Variants in P2RX6 observed in about 807,000 individuals in gnomAD.
P2RX6 encodes purinergic receptor P2X 6.
A neutral mutation model predicts 54.2 loss-of-function variants in P2RX6; 62 were observed. That is an observed-to-expected ratio of 1.14 (90% CI 0.93 to 1.41). The LOEUF (loss-of-function observed/expected upper bound fraction) is 1.41, where lower values mean the gene tolerates loss of function less well. Ranked by LOEUF, P2RX6 falls within the 40% of genes most tolerant of loss-of-function variation. The probability of loss-of-function intolerance (pLI) is 0.00; values close to 1 mark genes in which losing one functional copy is unlikely to be tolerated. For missense variants in P2RX6, 541 were observed against 566.3 expected, an observed-to-expected ratio of 0.96 and a Z score of 0.45; for synonymous variants, 211 against 231.9, an observed-to-expected ratio of 0.91 and a Z score of 0.82.
At chr22:21,015,846 T>G (rs1387619013) in intron 1 of P2RX6, 96 bp from the exon 2 acceptor site, 1 of 1,303,404 alleles carries the variant, frequency 7.7e-7, no homozygotes, top group African/African-American at 1.5e-5. Context: ...CGGGAGCCTG[T>G]AGGGTGTGGG....
chr22:21,012,537 G>A, upstream of P2RX6: 2 of 613,610 alleles, frequency 3.3e-6, no homozygotes, highest in African/African-American at 1.9e-5. Flanking sequence ...CGCAGATGCT[G>A]CTGCTTTTGC....
chr22:21,010,774 CCT>C (rs1195105559), upstream of P2RX6, among the ~76,000 whole-genome samples: 2 of 152,042 alleles, frequency 1.3e-5, no homozygotes, highest in African/African-American at 4.8e-5. Flanking sequence ...AAATCTATAC[CCT>C]TTTTGCCACG....
Position 21,026,795 on chromosome 22 carries a change from C to T in P2RX6, c.*178C>T, listed in dbSNP as rs1490090572. 1.2e-5 allele frequency: 16 copies of T among 1,338,162 alleles called. No individual in the cohort carries two copies. Among genetic ancestry groups the T allele is most frequent in the African/African-American group, 5.9e-5 (4 of 67,746 alleles). 82.9% of individuals were successfully genotyped at this position (1,338,162 alleles called of 1,614,324 possible). ...TGCTGCCTCAGGGAGCCATAGAAGTCGGCTGTGTTTTGAGACGGCGACAGA... is the reference window on the plus strand; with the variant it reads ...TGCTGCCTCAGGGAGCCATAGAAGTTGGCTGTGTTTTGAGACGGCGACAGA... On this transcript the variant is annotated 3_prime_UTR_variant, in exon 12 of 12. Coordinates refer to ENST00000413302, the MANE Select transcript of P2RX6 (RefSeq NM_005446.5). This position sits in a 1 kb window ranked among gnomAD's most constrained non-coding sequence, Gnocchi z 4.0.
intron 8 of P2RX6, among the ~76,000 whole-genome samples, chr22:21,024,724 C>T (rs1438115396): frequency 6.6e-6 from 1 of 151,928 alleles, no homozygotes; most frequent in East Asian, 1.9e-4. Context: ...GTGTGCACCA[C>T]CACACCCAAC....
At chr22:21,019,196 G>C (rs1205081749) in intron 3 of P2RX6, among the ~76,000 whole-genome samples, 21 of 152,218 alleles carry the variant, frequency 1.4e-4, no homozygotes, top group Non-Finnish European at 1.5e-5. Flanking sequence ...TGCCTCCTGG[G>C]CTGGAGGGTC....
chr22:21,022,793 G>T, intron 4 of P2RX6, 42 bp downstream of exon 4: 1 of 1,513,164 alleles, frequency 6.6e-7, no homozygotes, highest in Non-Finnish European at 8.9e-7. Context: ...AGCAGGGTGG[G>T]GGCCGGGCTG....
chr22:21,026,835 G>C lies in P2RX6; in HGVS notation c.*218G>C. The C allele has an allele frequency of 1.1e-6, 1 of 952,194 alleles. No homozygotes were observed. Among genetic ancestry groups the C allele is most frequent in the East Asian group, 2.7e-5 (1 of 37,252 alleles). 59.0% of individuals were successfully genotyped at this position (952,194 alleles called of 1,614,324 possible). A position where few individuals can be genotyped will look rare whatever the true frequency, so the allele number is the denominator to read the frequency against. On this transcript the variant is annotated 3_prime_UTR_variant, in exon 12 of 12. Transcript: ENST00000413302. The surrounding 1 kb of genome is among the most constrained non-coding windows in gnomAD (Gnocchi z 4.0). ...ACGGCGACAGAACCTGACCCGTGGA[G>C]ACTGGGAGAGCCCAGCAGGCACCTG...
chr22:21,026,738 C>T lies in P2RX6; in HGVS notation c.*121C>T, dbSNP rs1928533566. On this transcript the variant is annotated 3_prime_UTR_variant, in exon 12 of 12. Transcript: ENST00000413302. This position sits in a 1 kb window ranked among gnomAD's most constrained non-coding sequence, Gnocchi z 4.0. ...AATTCCACCCTTGAACCCCAGCAGA[C>T]AGTCCCTCCCCTGACTCCCACCTTG... 5.5e-6 allele frequency: 8 copies of T among 1,459,790 alleles called. No homozygotes were observed. In the South Asian group the frequency reaches 1.0e-4, roughly 18 times the overall value. The allele number at this position is 1,459,790 out of a possible 1,614,324, so 90.4% of individuals were successfully genotyped here. A position where few individuals can be genotyped will look rare whatever the true frequency, so the allele number is the denominator to read the frequency against.
chr22:21,017,871 G>C (rs2073597), intron 2 of P2RX6, 118 bp from the exon 3 acceptor site: 1 of 723,830 alleles, frequency 1.4e-6, no homozygotes, highest in Non-Finnish European at 2.5e-6. Flanking sequence ...CTTACAGGGG[G>C]ACAGGGTTAA....
At chr22:21,024,626 A>C (rs1006547738) in intron 8 of P2RX6, among the ~76,000 whole-genome samples, 3 of 151,000 alleles carry the variant, frequency 2.0e-5, no homozygotes, top group African/African-American at 7.3e-5. Flanking sequence ...GCTGGAATGC[A>C]ATGGCGTGGT....
chr22:21,011,012 C>CT (rs1925708583), upstream of P2RX6, among the ~76,000 whole-genome samples: 3 of 152,108 alleles, frequency 2.0e-5, no homozygotes, highest in East Asian at 5.8e-4. Context: ...CCAGCCACCT[C>CT]TTTAAAGCAG....
intron 3 of P2RX6, among the ~76,000 whole-genome samples, chr22:21,020,525 T>G (rs2541938): frequency 0.1 from 15,553 of 151,334 alleles, 817 homozygotes; most frequent in South Asian, 0.14. Flanking sequence ...TGGCAGGTCC[T>G]ATGATGGGAC....
chr22:21,026,695 A>C lies in P2RX6; in HGVS notation c.*78A>C. 1 of 1,504,260 alleles carries C rather than the reference A, an allele frequency of 6.6e-7. No homozygotes were observed. 93.2% of individuals were successfully genotyped at this position (1,504,260 alleles called of 1,614,324 possible). ...GGGATCTCAAGGATGAGGCCCCAGC[A>C]TGGAGGATTGGGGGTAGAATTCCAC... On this transcript the variant is annotated 3_prime_UTR_variant, in exon 12 of 12. Coordinates refer to ENST00000413302, the MANE Select transcript of P2RX6 (RefSeq NM_005446.5). The surrounding 1 kb of genome is among the most constrained non-coding windows in gnomAD (Gnocchi z 4.0).
At chr22:21,011,883 T>C (rs1601736699), upstream of P2RX6, among the ~76,000 whole-genome samples, 1 of 152,162 alleles carries the variant, frequency 6.6e-6, no homozygotes, top group African/African-American at 2.4e-5. Flanking sequence ...TCAATGATTA[T>C]GTCTGGCAGT....
At chr22:21,021,992 C>T (rs747881708) in intron 3 of P2RX6, among the ~76,000 whole-genome samples, 2 of 152,172 alleles carry the variant, frequency 1.3e-5, no homozygotes, top group African/African-American at 2.4e-5. Flanking sequence ...GTATCTTCAC[C>T]TTCCCTGATC....
intron 2 of P2RX6, among the ~76,000 whole-genome samples, 198 bp downstream of exon 2, chr22:21,016,290 A>G (rs1926372995): frequency 6.6e-6 from 1 of 152,134 alleles, no homozygotes; most frequent in African/African-American, 2.4e-5. Context: ...GGGTGGAAAA[A>G]GGGGCCACTC....
intron 8 of P2RX6, 22 bp downstream of exon 8, chr22:21,023,640 T>A: frequency 6.5e-7 from 1 of 1,529,840 alleles, no homozygotes; most frequent in Non-Finnish European, 8.9e-7. Context: ...CTGCTCCCAG[T>A]GCCCAGCTGC....
At position 21,026,845 on chromosome 22, in the gene P2RX6, G is replaced by A. The variant is rs1928547029; in HGVS notation, c.*228G>A. ...AACCTGACCCGTGGAGACTGGGAGA[G>A]CCCAGCAGGCACCTGTATTGCAGGG... On this transcript the variant is annotated 3_prime_UTR_variant, in exon 12 of 12. Transcript: ENST00000413302. This position sits in a 1 kb window ranked among gnomAD's most constrained non-coding sequence, Gnocchi z 4.0. The A allele has an allele frequency of 3.5e-6, 3 of 850,700 alleles. No homozygotes were observed. In the South Asian group the frequency reaches 5.6e-5, roughly 16 times the overall value. The allele number at this position is 850,700 out of a possible 1,614,324, so 52.7% of individuals were successfully genotyped here. A position where few individuals can be genotyped will look rare whatever the true frequency, so the allele number is the denominator to read the frequency against.
At chr22:21,011,839 G>C (rs919400846), upstream of P2RX6, among the ~76,000 whole-genome samples, 2 of 152,170 alleles carry the variant, frequency 1.3e-5, no homozygotes, top group African/African-American at 4.8e-5. Flanking sequence ...TCCTGGTACT[G>C]TAGAGACTGC....
Sources: gnomAD v4.1 joint callset for allele counts (sites outside exome capture counted in the v4.1 genomes callset) on GRCh38, gnomAD v4.1.1 for gene constraint, Gnocchi (gnomAD v3.1) non-coding constraint, MANE v1.5 for transcripts, NCBI Gene and HGNC (gene_info 2026-07-23, HGNC 2026-07-21) for gene names.